The following BTN1A1 variants were observed in gnomAD, a reference collection of about 807,000 sequenced individuals.
BTN1A1 encodes butyrophilin subfamily 1 member A1, also known as bK14H9.2 (butyrophilin, subfamily 1, member A1).
Under a neutral mutation model 33.1 loss-of-function variants are expected in BTN1A1, and 26 were observed. The observed-to-expected ratio is 0.79, with a 90% CI of 0.58 to 1.09. The LOEUF is 1.09. Among genes scored for constraint, BTN1A1 ranks in the 50% least tolerant of loss-of-function variants. BTN1A1 has a pLI of 0.00. For missense variants in BTN1A1, 558 were observed against 655.7 expected, an observed-to-expected ratio of 0.85 and a Z score of 1.63; for synonymous variants, 235 against 256.2, an observed-to-expected ratio of 0.92 and a Z score of 0.79.
intron 5 of BTN1A1, among the ~76,000 whole-genome samples, chr6:26,507,619 G>C (rs1205782883): frequency 6.6e-6 from 1 of 151,960 alleles, no homozygotes; most frequent in Non-Finnish European, 1.5e-5. Flanking sequence ...CATCTACTCG[G>C]GAGGCTGAGG....
intron 4 of BTN1A1, 26 bp from the exon 5 acceptor site, chr6:26,506,657 T>C (rs755632783): frequency 7.4e-6 from 12 of 1,611,646 alleles, no homozygotes; most frequent in Admixed American, 3.3e-5. Context: ...TCTCAACTAA[T>C]GTCCTTCTTG....
intron 5 of BTN1A1, among the ~76,000 whole-genome samples, chr6:26,507,051 T>C (rs1440767484): frequency 6.6e-6 from 1 of 152,130 alleles, no homozygotes; most frequent in East Asian, 1.9e-4. Flanking sequence ...CAAAACTCCA[T>C]CTCGACTAAA....
At chr6:26,503,398 G>A (rs1441783679) in intron 3 of BTN1A1, among the ~76,000 whole-genome samples, 4 of 151,154 alleles carry the variant, frequency 2.6e-5, no homozygotes, top group Non-Finnish European at 5.9e-5. Flanking sequence ...AACCTGGGAG[G>A]CAGAGGTTGC....
chr6:26,501,166 G>C lies in BTN1A1; in HGVS notation c.-57-64G>C, dbSNP rs1272553588. 4.9e-6 allele frequency: 4 copies of C among 816,768 alleles called. No individual in the cohort carries two copies. Among genetic ancestry groups the C allele is most frequent in the Non-Finnish European group, 6.3e-6 (3 of 474,046 alleles). 50.6% of individuals were successfully genotyped at this position (816,768 alleles called of 1,614,324 possible). A position where few individuals can be genotyped will look rare whatever the true frequency, so the allele number is the denominator to read the frequency against. ...ACTTGCAGCTGGAAAGAACTGTAGA[G>C]AGGACTTTGGAAAGCGGAGGGTTGA... On this transcript the variant is annotated intron_variant, in intron 1 of 7. Transcript: ENST00000684113. This position sits in a 1 kb window ranked among gnomAD's most constrained non-coding sequence, Gnocchi z 5.2.
rs1433664108 is a variant in BTN1A1 at position 26,501,946 on chromosome 6, A to G, written c.427+9A>G. 6 of 1,539,908 alleles carry G rather than the reference A, an allele frequency of 3.9e-6. No individual in the cohort carries two copies. Among genetic ancestry groups the G allele is most frequent in the Non-Finnish European group, 5.2e-6 (6 of 1,143,758 alleles). ...GCATCTGAAGGTGGCTGGTGAGTAGACGGGTTTTGACTTTCTCCGACGACT... is the reference window on the plus strand; with the variant it reads ...GCATCTGAAGGTGGCTGGTGAGTAGGCGGGTTTTGACTTTCTCCGACGACT... On this transcript the variant is annotated intron_variant, in intron 3 of 7. Coordinates refer to ENST00000684113, the MANE Select transcript of BTN1A1 (RefSeq NM_001732.3). The surrounding 1 kb of genome is among the most constrained non-coding windows in gnomAD (Gnocchi z 5.2).
rs1057059650 is a variant in BTN1A1, at chr6:26,509,865, A to C, written c.*691A>C. 2.6e-5 allele frequency: 4 copies of C among 152,142 alleles called. No homozygotes were observed. The highest frequency in any genetic ancestry group is 9.7e-5 in the African/African-American group (4 of 41,390). 9.4% of individuals were successfully genotyped at this position (152,142 alleles called of 1,614,324 possible). Reference sequence around the variant, plus strand: ...TGATAGAGGAGAGAATTTTTGACAAAACTCAAAAGTTGTTTGCACAGCTGT... The same window carrying C: ...TGATAGAGGAGAGAATTTTTGACAACACTCAAAAGTTGTTTGCACAGCTGT... On this transcript the variant is annotated 3_prime_UTR_variant, in exon 8 of 8. Coordinates refer to ENST00000684113, the MANE Select transcript of BTN1A1 (RefSeq NM_001732.3).
chr6:26,504,336 T>C (rs150687425), intron 3 of BTN1A1, among the ~76,000 whole-genome samples: 1 of 152,182 alleles, frequency 6.6e-6, no homozygotes, highest in East Asian at 1.9e-4. Context: ...CTCTGAGTTA[T>C]TGGTCTTAGT....
Position 26,504,910 on chromosome 6 carries a change from A to C in BTN1A1, c.428-15A>C, listed in dbSNP as rs994477242. The C allele has an allele frequency of 1.2e-6, 2 of 1,611,048 alleles. No individual in the cohort carries two copies. Among genetic ancestry groups the C allele is most frequent in the Non-Finnish European group, 1.7e-6 (2 of 1,177,888 alleles). ...GGGTCCGCTAAAACATTAAGTCCAG[A>C]TTCTCTCTCCATAGCTCTGGGCTCT... On this transcript the variant is annotated splice_polypyrimidine_tract_variant and intron_variant, in intron 3 of 7. Coordinates refer to ENST00000684113, the MANE Select transcript of BTN1A1 (RefSeq NM_001732.3).
Position 26,507,216 on chromosome 6 carries a change from G to A in BTN1A1, c.859+384G>A, listed in dbSNP as rs553950773. Among the ~76,000 whole-genome samples the A allele has an allele frequency of 1.1e-4, 17 of 152,118 alleles. No homozygotes were observed. In the South Asian group the frequency reaches 2.1e-3, roughly 19 times the overall value. On this transcript the variant is annotated intron_variant, in intron 5 of 7. Transcript: ENST00000684113. ...AGCCTGAGCGACAGAATAAGACTCC[G>A]TCTCAAAAAAAGTAGAAGATACTTG...
chr6:26,508,376 C>A, intron 7 of BTN1A1, 125 bp from the exon 8 acceptor site: 1 of 1,173,918 alleles, frequency 8.5e-7, no homozygotes, highest in Non-Finnish European at 1.2e-6. Context: ...GCAGGCCAAA[C>A]ATCCCCCCAC....
At chr6:26,506,395 A>G (rs2113893271) in intron 4 of BTN1A1, among the ~76,000 whole-genome samples, 1 of 152,240 alleles carries the variant, frequency 6.6e-6, no homozygotes, top group South Asian at 2.1e-4. Flanking sequence ...CTGCACTGAT[A>G]GTTAAGGAAG....
At chr6:26,502,528 G>A (rs918455432) in intron 3 of BTN1A1, among the ~76,000 whole-genome samples, 2 of 152,172 alleles carry the variant, frequency 1.3e-5, no homozygotes, top group African/African-American at 4.8e-5. Context: ...AGAGAACAGT[G>A]CAATGTCTTT....
At chr6:26,505,579 C>G (rs955539330) in intron 4 of BTN1A1, among the ~76,000 whole-genome samples, 1 of 152,096 alleles carries the variant, frequency 6.6e-6, no homozygotes, top group African/African-American at 2.4e-5. Flanking sequence ...TGCACACCAC[C>G]GTGCCCAACT....
Position 26,505,025 on chromosome 6 carries a change from G to A in BTN1A1, c.528G>A (p.Gln176=). 6.2e-7 allele frequency: 1 copy of A among 1,614,244 alleles called. No homozygotes were observed. Among genetic ancestry groups the A allele is most frequent in the Non-Finnish European group, 8.5e-7 (1 of 1,180,038 alleles). The change falls in exon 4 of 8, where the codon CAG becomes CAA. Residue 176 remains glutamine (Q), a synonymous_variant. Coordinates refer to ENST00000684113, the MANE Select transcript of BTN1A1 (RefSeq NM_001732.3). ...SVGWYPEPQV[Q]WRTSKGEKFP... Reference sequence around the variant, plus strand: ...GATGGTACCCAGAGCCCCAGGTGCAGTGGAGAACTTCCAAGGGAGAGAAGT... The same window carrying A: ...GATGGTACCCAGAGCCCCAGGTGCAATGGAGAACTTCCAAGGGAGAGAAGT...
In BTN1A1 at chr6:26,504,991, C is replaced by A. The variant is rs1763850391; in HGVS notation, c.494C>A (p.Thr165Asn). Reference protein sequence around the residue: ...QENGEICLECTSVGWYPEPQV... With the variant: ...QENGEICLECNSVGWYPEPQV... ...AATGGAGAAATCTGTCTGGAGTGCA[C>A]CTCAGTGGGATGGTACCCAGAGCCC... Residue 165 changes from threonine (T) to asparagine (N), a missense_variant, in exon 4 of 8, where the codon ACC (threonine) becomes AAC (asparagine). By Grantham distance (65) the Thr-to-Asn change is moderately conservative. Transcript: ENST00000684113. 6.2e-7 allele frequency: 1 copy of A among 1,614,130 alleles called. No individual in the cohort carries two copies. The highest frequency in any genetic ancestry group is 1.3e-5 in the African/African-American group (1 of 75,008).
rs766011564 is a variant in BTN1A1 at position 26,501,319 on chromosome 6, A to G, written c.33A>G (p.Arg11=). Reference sequence around the variant, plus strand: ...TTTTCCCAAGCTCCGGTCTCCCCAGATGTCTGCTCACCCTCATTCTCCTCC... The same window carrying G: ...TTTTCCCAAGCTCCGGTCTCCCCAGGTGTCTGCTCACCCTCATTCTCCTCC... MAVFPSSGLP[R]CLLTLILLQL... The change falls in exon 2 of 8, where the codon AGA becomes AGG. Residue 11 remains arginine (R), a synonymous_variant. Transcript: ENST00000684113. The surrounding 1 kb of genome is among the most constrained non-coding windows in gnomAD (Gnocchi z 5.2). 6 of 1,614,030 alleles carry G rather than the reference A, an allele frequency of 3.7e-6. No homozygotes were observed. The highest frequency in any genetic ancestry group is 3.3e-5 in the Admixed American group (2 of 59,998).
chr6:26,505,846 T>C (rs1410067494), intron 4 of BTN1A1, among the ~76,000 whole-genome samples: 2 of 151,576 alleles, frequency 1.3e-5, no homozygotes, highest in Non-Finnish European at 2.9e-5. Flanking sequence ...TGGCCGGGCG[T>C]GGTGGCTCAC....
intron 5 of BTN1A1, among the ~76,000 whole-genome samples, chr6:26,507,448 C>A (rs772144560): frequency 1.3e-5 from 2 of 152,062 alleles, no homozygotes; most frequent in African/African-American, 2.4e-5. Context: ...TGAGGCCGGG[C>A]GCAGTGGCTC....
Position 26,510,324 on chromosome 6 carries a change from A to C in BTN1A1, c.*1150A>C, listed in dbSNP as rs546668890. 6.6e-6 allele frequency: 1 copy of C among 152,196 alleles called. No homozygotes were observed. The highest frequency in any genetic ancestry group is 1.9e-4 in the East Asian group (1 of 5,176). 9.4% of individuals were successfully genotyped at this position (152,196 alleles called of 1,614,324 possible). A position where few individuals can be genotyped will look rare whatever the true frequency, so the allele number is the denominator to read the frequency against. ...CACATGTGGCTTGTCTTGCCAATAG[A>C]CTCCAGGCTTATACCTTCCATTTCC... is the stretch of plus-strand genomic sequence containing the variant. On this transcript the variant is annotated 3_prime_UTR_variant, in exon 8 of 8. Transcript: ENST00000684113.
Sources: allele counts gnomAD v4.1 joint callset (sites outside exome capture counted in the v4.1 genomes callset), GRCh38; gene constraint gnomAD v4.1.1; non-coding constraint Gnocchi (gnomAD v3.1); transcripts MANE v1.5; gene names NCBI Gene and HGNC (gene_info 2026-07-23, HGNC 2026-07-21).